The following ZNF418 variants were observed in gnomAD, a reference collection of about 807,000 sequenced individuals.
ZNF418 encodes zinc finger protein 418.
ZNF418 carries 32 observed loss-of-function variants against 32.0 expected under a neutral mutation model. That is an observed-to-expected ratio of 1.00 (90% CI 0.75 to 1.34). The LOEUF is 1.34. Among genes scored for constraint, ZNF418 ranks in the 40% most tolerant of loss-of-function variants. The pLI is 0.00. For synonymous variants in ZNF418, 276 were observed against 270.7 expected, an observed-to-expected ratio of 1.02 and a Z score of -0.19; for missense variants, 804 against 812.5, an observed-to-expected ratio of 0.99 and a Z score of 0.13.
chr19:57,927,097 G>A lies in ZNF418; in HGVS notation c.1084C>T (p.Arg362Ter), dbSNP rs375845155. Residue 362 changes from arginine to a stop codon, truncating the protein, a stop_gained, in exon 4 of 6, where the codon CGA becomes TGA. Transcript: ENST00000396147. LOFTEE classifies it low-confidence loss of function (END_TRUNC). ...TQKGNLIQHQ[R>*]GHTSERPYEC... is the part of the protein sequence containing the mutation. ...TAAGGTCTTTCACTAGTGTGACCTC[G>A]TTGATGTTGAATGAGATTGCCCTTC... The A allele has an allele frequency of 2.6e-5, 42 of 1,613,730 alleles. No homozygotes were observed. Among genetic ancestry groups the A allele is most frequent in the African/African-American group, 1.2e-4 (9 of 74,806 alleles).
chr19:57,925,583 C>G (rs1045622951), intron 4 of ZNF418, 40 bp downstream of exon 4: 1 of 158,728 alleles, frequency 6.3e-6, no homozygotes, highest in Non-Finnish European at 1.4e-5. Flanking sequence ...CTCGCTCATC[C>G]GAAAGAAATG....
chr19:57,926,185 G>A lies in ZNF418; in HGVS notation c.1996C>T (p.Gln666Ter), dbSNP rs371200384. ...FHRSSSLLRH[Q>*]RVHTERSPYK Reference sequence around the variant, plus strand: ...GGACTTCTTTCTGTGTGAACTCTCTGATGTCGAAGGAGAGAAGAGCTTCGA... The same window carrying A: ...GGACTTCTTTCTGTGTGAACTCTCTAATGTCGAAGGAGAGAAGAGCTTCGA... Residue 666 changes from glutamine (Q) to a stop codon, truncating the protein, a stop_gained, in exon 4 of 6, where the codon CAG becomes TAG. Transcript: ENST00000396147. LOFTEE classifies it low-confidence loss of function (END_TRUNC). The A allele has an allele frequency of 3.5e-5, 56 of 1,613,722 alleles. No homozygotes were observed. The African/African-American group carries it at 6.7e-4, about 19-fold the overall frequency.
At chr19:57,924,805 G>T (rs1188203729) in intron 4 of ZNF418, among the ~76,000 whole-genome samples, 1 of 152,076 alleles carries the variant, frequency 6.6e-6, no homozygotes, top group African/African-American at 2.4e-5. Context: ...CACAAACACT[G>T]TTCCCTTCTC....
At chr19:57,933,637 C>T (rs1240110061) in intron 2 of ZNF418, among the ~76,000 whole-genome samples, 180 bp downstream of exon 2, 1 of 152,078 alleles carries the variant, frequency 6.6e-6, no homozygotes, top group South Asian at 2.1e-4. Context: ...AGGAGAATGG[C>T]GTGAACCCGG....
intron 2 of ZNF418, chr19:57,932,771 T>A: frequency 1.9e-6 from 1 of 516,606 alleles, no homozygotes; most frequent in Non-Finnish European, 3.1e-6. Context: ...CCAGGCCGAA[T>A]GAAAACCCCC....
Position 57,927,192 on chromosome 19 carries a change from A to C in ZNF418, c.989T>G (p.Ile330Ser), listed in dbSNP as rs1241571281. The change falls in exon 4 of 6, where the codon ATT (isoleucine) becomes AGT (serine). Residue 330 changes from isoleucine (I) to serine (S), a missense_variant. Around this residue, in one of 3 missense-constraint regions of ZNF418, gnomAD observed 475 missense variants for 458.6 expected, o/e 1.04. Coordinates refer to ENST00000396147, the MANE Select transcript of ZNF418 (RefSeq NM_133460.3). ...GKSFSQNGTL[I>S]KHQRVHTGER... The stretch of plus-strand genomic sequence containing the variant: ...TCCAGTGTGAACTCGTTGATGTTTA[A>C]TGAGAGTACCATTTTGACTAAAAGA... 6.2e-7 allele frequency: 1 copy of C among 1,613,204 alleles called. No individual in the cohort carries two copies. Among genetic ancestry groups the C allele is most frequent in the African/African-American group, 1.3e-5 (1 of 74,646 alleles).
rs757277127 is a variant in ZNF418 at position 57,927,154 on chromosome 19, C to G, written c.1027G>C (p.Glu343Gln). 6 of 1,614,038 alleles carry G rather than the reference C, an allele frequency of 3.7e-6. No individual in the cohort carries two copies. Among genetic ancestry groups the G allele is most frequent in the African/African-American group, 2.7e-5 (2 of 74,896 alleles). Residue 343 changes from glutamate (E) to glutamine (Q), a missense_variant, in exon 4 of 6, where the codon GAG (glutamate) becomes CAG (glutamine). Transcript: ENST00000396147. ...AAACATTTCCCACATTCTTCACACT[C>G]ATAAGGTCTTTCTCCAGTGTGAACT... ...QRVHTGERPYECEECGKCFTQ... is the reference protein window; with the variant it reads ...QRVHTGERPYQCEECGKCFTQ...
intron 2 of ZNF418, among the ~76,000 whole-genome samples, chr19:57,931,366 TA>T (rs1422197173): frequency 6.6e-6 from 1 of 152,070 alleles, no homozygotes; most frequent in Non-Finnish European, 1.5e-5. Flanking sequence ...CACACCTGGC[TA>T]ATTTTTGTAT....
intron 3 of ZNF418, among the ~76,000 whole-genome samples, chr19:57,928,494 G>A (rs1177748933): frequency 1.3e-5 from 2 of 152,056 alleles, no homozygotes; most frequent in Non-Finnish European, 2.9e-5. Context: ...AAACTCCCAG[G>A]TTCAAGAAAT....
In ZNF418 at chr19:57,927,557, G is replaced by T. The variant is rs1331216331; in HGVS notation, c.624C>A (p.Cys208Ter). The change falls in exon 4 of 6, where the codon TGC becomes TGA. Residue 208 changes from cysteine to a stop codon, truncating the protein, a stop_gained. Coordinates refer to ENST00000396147, the MANE Select transcript of ZNF418 (RefSeq NM_133460.3). LOFTEE classifies it high-confidence loss of function. ...WGDTHYSCGE[C>*]MKHSSTKHVF... The stretch of plus-strand genomic sequence containing the variant: ...CGTGTTTGGTGCTAGAATGTTTCAT[G>T]CATTCTCCACAGCTGTAATGAGTAT... The T allele has an allele frequency of 8.1e-6, 13 of 1,614,128 alleles. No individual in the cohort carries two copies. In the Admixed American group the frequency reaches 2.2e-4, roughly 27 times the overall value.
At chr19:57,929,980 G>A (rs901912694) in intron 3 of ZNF418, among the ~76,000 whole-genome samples, 3 of 152,244 alleles carry the variant, frequency 2.0e-5, no homozygotes, top group Admixed American at 6.5e-5. Flanking sequence ...CACCGCACCC[G>A]GCCTAAAAAC....
intron 2 of ZNF418, among the ~76,000 whole-genome samples, chr19:57,931,393 G>C (rs907757896): frequency 6.6e-6 from 1 of 151,916 alleles, no homozygotes; most frequent in African/African-American, 2.4e-5. Context: ...GTAGAAATGG[G>C]GTTTCACCAT....
In ZNF418 at chr19:57,927,247, T is replaced by C. The variant is rs774420449; in HGVS notation, c.934A>G (p.Arg312Gly). The change falls in exon 4 of 6, where the codon AGA becomes GGA. Residue 312 changes from arginine (R) to glycine (G), a missense_variant. By Grantham distance (125) the Arg-to-Gly change is moderately radical. Around this residue, in one of 3 missense-constraint regions of ZNF418, gnomAD observed 475 missense variants for 458.6 expected, o/e 1.04. Coordinates refer to ENST00000396147, the MANE Select transcript of ZNF418 (RefSeq NM_133460.3). ...VQHQRVHTGERPYECGECGKS... is the reference protein window; with the variant it reads ...VQHQRVHTGEGPYECGECGKS... ...CCACATTCTCCACACTCATAAGGTC[T>C]TTCTCCAGTATGAACTCGCTGATGC... The C allele has an allele frequency of 9.3e-6, 15 of 1,614,214 alleles. No homozygotes were observed. Among genetic ancestry groups the C allele is most frequent in the South Asian group, 1.1e-5 (1 of 91,086 alleles).
chr19:57,924,246 C>T (rs2072124443), intron 4 of ZNF418, among the ~76,000 whole-genome samples: 1 of 152,070 alleles, frequency 6.6e-6, no homozygotes, highest in Non-Finnish European at 1.5e-5. Context: ...TGAGTCTCTG[C>T]GGCAGCAAAT....
chr19:57,929,467 G>A (rs1161324022), intron 3 of ZNF418, among the ~76,000 whole-genome samples: 1 of 152,092 alleles, frequency 6.6e-6, no homozygotes, highest in Non-Finnish European at 1.5e-5. Context: ...GCAAAGATAG[G>A]GCAGAACTGG....
chr19:57,927,896 C>T lies in ZNF418; in HGVS notation c.285G>A (p.Leu95=). Residue 95 remains leucine (L), a synonymous_variant, in exon 4 of 6, where the codon TTG becomes TTA. Transcript: ENST00000396147. The part of the protein sequence containing the change: ...EMCGAILGDI[L]HLADHQGTHH... ...GTGTCCCCTGATGATCTGCCAAGTG[C>T]AAAATGTCTCCCAAGATCGCGCCAC... 6.2e-7 allele frequency: 1 copy of T among 1,614,078 alleles called. No individual in the cohort carries two copies. The highest frequency in any genetic ancestry group is 8.5e-7 in the Non-Finnish European group (1 of 1,180,034).
rs1169992740 is a variant in ZNF418, at chr19:57,926,231, A to G, written c.1950T>C (p.Ser650=). 6.2e-7 allele frequency: 1 copy of G among 1,613,872 alleles called. No homozygotes were observed. Among genetic ancestry groups the G allele is most frequent in the South Asian group, 1.1e-5 (1 of 91,070 alleles). Residue 650 remains serine (S), a synonymous_variant, in exon 4 of 6, where the codon AGT becomes AGC. Coordinates refer to ENST00000396147, the MANE Select transcript of ZNF418 (RefSeq NM_133460.3). ...TTCGATGAAATGATTTTCCACATTC[A>G]CTGCACTCATAAGGCCTTTCTCCAG... The part of the protein sequence containing the change: ...VHTGERPYEC[S]ECGKSFHRSS...
chr19:57,924,548 C>T (rs145481783), intron 4 of ZNF418, among the ~76,000 whole-genome samples: 10 of 152,298 alleles, frequency 6.6e-5, no homozygotes, highest in Non-Finnish European at 1.3e-4. Flanking sequence ...ATGTGGATGA[C>T]GTGCATTCCA....
At chr19:57,929,204 A>T (rs1193993090) in intron 3 of ZNF418, among the ~76,000 whole-genome samples, 1 of 152,152 alleles carries the variant, frequency 6.6e-6, no homozygotes, top group Non-Finnish European at 1.5e-5. Flanking sequence ...TGCTCTCAAG[A>T]ATGGAAAGGA....
Sources: allele counts gnomAD v4.1 joint callset (sites outside exome capture counted in the v4.1 genomes callset), GRCh38; gene constraint gnomAD v4.1.1; regional missense constraint gnomAD v4.1.1; transcripts MANE v1.5; gene names NCBI Gene and HGNC (gene_info 2026-07-23, HGNC 2026-07-21).